FGF10: variants seen among roughly 807,000 people sequenced by gnomAD.
The protein encoded by FGF10 is fibroblast growth factor 10, also known as FGF-10.
FGF10 carries 2 observed loss-of-function variants against 19.8 expected under a neutral mutation model. The ratio of observed to expected loss-of-function variants is 0.10; its 90% CI spans 0.04 to 0.32. The LOEUF (loss-of-function observed/expected upper bound fraction) is 0.32. Among genes scored for constraint, FGF10 ranks in the 10% least tolerant of loss-of-function variants. FGF10 has a pLI of 1.00. For synonymous variants in FGF10, 112 were observed against 94.0 expected (o/e 1.19, Z -1.10); for missense variants, 191 against 246.3 (o/e 0.78, Z 1.50).
rs548394158 is a variant in FGF10, at chr5:44,352,742, C to T, written c.325+35616G>A. Among the ~76,000 whole-genome samples the T allele has an allele frequency of 4.5e-4, 69 of 151,658 alleles. 1 individual carries two copies. The highest frequency in any genetic ancestry group is 1.6e-3 in the African/African-American group (68 of 41,452). On this transcript the variant is annotated intron_variant, in intron 1 of 2. Transcript: ENST00000264664. ...GAAGATACCTGAGAAGCTCTCATTA[C>T]GGTATTTGAAAGTGCTCCCAGGATT...
chr5:44,388,437 T>G lies in FGF10; in HGVS notation c.246A>C (p.Leu82=), dbSNP rs1393267174. 3 of 1,613,884 alleles carry G rather than the reference T, an allele frequency of 1.9e-6. No homozygotes were observed. The highest frequency in any genetic ancestry group is 1.7e-6 in the Non-Finnish European group (2 of 1,179,988). ...TGAGAAAGTACTTGGTGAAAGAGAATAGCTTTCTCCAGCGGACATCTCCTT... is the reference window on the plus strand; with the variant it reads ...TGAGAAAGTACTTGGTGAAAGAGAAGAGCTTTCTCCAGCGGACATCTCCTT... ...HLQGDVRWRK[L]FSFTKYFLKI... is the part of the protein sequence containing the mutation. The change falls in exon 1 of 3, where the codon CTA becomes CTC. Residue 82 remains leucine, a synonymous_variant. Coordinates refer to ENST00000264664, the MANE Select transcript of FGF10 (RefSeq NM_004465.2).
chr5:44,361,274 G>A (rs1741476521), intron 1 of FGF10, among the ~76,000 whole-genome samples: 1 of 151,612 alleles, frequency 6.6e-6, no homozygotes, highest in Admixed American at 6.6e-5. Flanking sequence ...ATTGCTTTCT[G>A]AGTTCAAACA....
chr5:44,318,616 A>G (rs11958827), intron 1 of FGF10, among the ~76,000 whole-genome samples: 2 of 152,144 alleles, frequency 1.3e-5, no homozygotes, highest in Non-Finnish European at 2.9e-5. Flanking sequence ...CTGACCATGC[A>G]AAAATAAGGC....
chr5:44,313,800 T>C (rs1013045380), intron 1 of FGF10, among the ~76,000 whole-genome samples: 1 of 152,100 alleles, frequency 6.6e-6, no homozygotes, highest in Admixed American at 6.6e-5. Context: ...GTGAATCTAT[T>C]TAAGGGTCTT....
At chr5:44,353,596 A>G (rs1310424420) in intron 1 of FGF10, among the ~76,000 whole-genome samples, 1 of 151,584 alleles carries the variant, frequency 6.6e-6, no homozygotes, top group Non-Finnish European at 1.5e-5. Flanking sequence ...AAATATTATG[A>G]GAGCTCAGGT....
In FGF10 at chr5:44,302,922, G is replaced by A. The variant is rs1347670033; in HGVS notation, c.*2073C>T. Among the ~76,000 whole-genome samples the A allele has an allele frequency of 2.0e-5, 3 of 151,934 alleles. No homozygotes were observed. The highest frequency in any genetic ancestry group is 3.4e-3 in the Middle Eastern group (1 of 294). On this transcript the variant is annotated 3_prime_UTR_variant, in exon 3 of 3. Transcript: ENST00000264664. ...CAAACATTTAATTTTGGTTGTGGGT[G>A]GTCTATGTTTATGTGTCAGGTGCAA...
At chr5:44,305,333 G>A in intron 2 of FGF10, 141 bp from the exon 3 acceptor site, 1 of 701,668 alleles carries the variant, frequency 1.4e-6, no homozygotes, top group South Asian at 1.6e-5. Context: ...AATACATAAT[G>A]TCAACAATAG....
rs531039106 is a variant in FGF10, at chr5:44,381,048, A to C, written c.325+7310T>G. On this transcript the variant is annotated intron_variant, in intron 1 of 2. Coordinates refer to ENST00000264664, the MANE Select transcript of FGF10 (RefSeq NM_004465.2). The stretch of plus-strand genomic sequence containing the variant: ...AGTAGCTAGTAAGTGTTATGTATGC[A>C]AATAATTTAAAAGAAAATAGGAAAA... 2.6e-5 allele frequency among the ~76,000 whole-genome samples: 4 copies of C among 152,346 alleles called. No homozygotes were observed. In the South Asian group the frequency reaches 8.3e-4, roughly 32 times the overall value.
chr5:44,310,489 C>A lies in FGF10; in HGVS notation c.367G>T (p.Val123Phe). 1 of 1,612,384 alleles carries A rather than the reference C, an allele frequency of 6.2e-7. No homozygotes were observed. Among genetic ancestry groups the A allele is most frequent in the African/African-American group, 1.3e-5 (1 of 74,944 alleles). ...ITSVEIGVVA[V>F]KAINSNYYLA... Reference sequence around the variant, plus strand: ...TAATAGTTGCTGTTAATGGCTTTGACGGCAACAACTCCGATTTCTACTGAT... The same window carrying A: ...TAATAGTTGCTGTTAATGGCTTTGAAGGCAACAACTCCGATTTCTACTGAT... The change falls in exon 2 of 3, where the codon GTC becomes TTC. Residue 123 changes from valine to phenylalanine, a missense_variant. Around this residue, in one of 2 missense-constraint regions of FGF10, gnomAD observed 99 missense variants for 161.7 expected, o/e 0.61. Coordinates refer to ENST00000264664, the MANE Select transcript of FGF10 (RefSeq NM_004465.2).
At chr5:44,386,697 A>C (rs1742104944) in intron 1 of FGF10, among the ~76,000 whole-genome samples, 1 of 152,170 alleles carries the variant, frequency 6.6e-6, no homozygotes. Context: ...GTGGTACTTA[A>C]TATCTTTAGT....
intron 1 of FGF10, among the ~76,000 whole-genome samples, chr5:44,372,218 TGCCACATTCCTTG>T (rs1741757119): frequency 6.6e-6 from 1 of 152,256 alleles, no homozygotes; most frequent in East Asian, 1.9e-4. Flanking sequence ...CAGCTTCTGG[TGCCACATTCCTTG>T]GCCACATTCC....
intron 1 of FGF10, among the ~76,000 whole-genome samples, chr5:44,365,109 CAA>C (rs1218394235): frequency 3.3e-5 from 5 of 151,744 alleles, no homozygotes; most frequent in Admixed American, 2.0e-4. Flanking sequence ...TCTAAAATAA[CAA>C]AGAGTGTGAT....
chr5:44,366,922 T>C (rs1284736768), intron 1 of FGF10, among the ~76,000 whole-genome samples: 2 of 151,992 alleles, frequency 1.3e-5, no homozygotes, highest in Non-Finnish European at 2.9e-5. Flanking sequence ...AAGAAGAAAA[T>C]AAATGTCAGC....
intron 1 of FGF10, among the ~76,000 whole-genome samples, chr5:44,314,024 G>A (rs1250122840): frequency 6.6e-6 from 1 of 152,094 alleles, no homozygotes. Flanking sequence ...TGGGGCAAAG[G>A]TAAAGGCAGG....
At chr5:44,350,155 A>G (rs1179876294) in intron 1 of FGF10, among the ~76,000 whole-genome samples, 1 of 150,922 alleles carries the variant, frequency 6.6e-6, no homozygotes, top group Non-Finnish European at 1.5e-5. Flanking sequence ...AACTATTGAT[A>G]TGTATCTCTT....
At chr5:44,330,617 A>G (rs1010727696) in intron 1 of FGF10, among the ~76,000 whole-genome samples, 7 of 152,210 alleles carry the variant, frequency 4.6e-5, no homozygotes, top group African/African-American at 1.7e-4. Context: ...ATATTCTCAG[A>G]TGAAATAGGT....
At chr5:44,326,783 T>C (rs996463058) in intron 1 of FGF10, among the ~76,000 whole-genome samples, 2 of 152,156 alleles carry the variant, frequency 1.3e-5, no homozygotes, top group Non-Finnish European at 2.9e-5. Context: ...ATTTCATATG[T>C]ATATATGTAA....
At chr5:44,344,905 C>T (rs148436680) in intron 1 of FGF10, among the ~76,000 whole-genome samples, 1 of 151,908 alleles carries the variant, frequency 6.6e-6, no homozygotes, top group East Asian at 1.9e-4. Context: ...AGGCAATAAG[C>T]AGTATATACA....
chr5:44,304,458 T>C lies in FGF10; in HGVS notation c.*537A>G, dbSNP rs967866179. 2 of 158,576 alleles carry C rather than the reference T, an allele frequency of 1.3e-5. No homozygotes were observed. Among genetic ancestry groups the C allele is most frequent in the South Asian group, 1.8e-4 (1 of 5,538 alleles). The allele number at this position is 158,576 out of a possible 1,614,324, so 9.8% of individuals were successfully genotyped here. A position where few individuals can be genotyped will look rare whatever the true frequency, so the allele number is the denominator to read the frequency against. ...GAACAGTTTCACACTAACATGTTTA[T>C]ATTTTTAAATTCTATTCAATTATTC... On this transcript the variant is annotated 3_prime_UTR_variant, in exon 3 of 3. Coordinates refer to ENST00000264664, the MANE Select transcript of FGF10 (RefSeq NM_004465.2).
Sources: gnomAD v4.1 joint callset for allele counts (sites outside exome capture counted in the v4.1 genomes callset) on GRCh38, gnomAD v4.1.1 for gene constraint, gnomAD v4.1.1 regional missense constraint, MANE v1.5 for transcripts, NCBI Gene and HGNC (gene_info 2026-07-23, HGNC 2026-07-21) for gene names.